Variants in ZSCAN2 observed in about 807,000 individuals in gnomAD.
ZSCAN2 encodes zinc finger and SCAN domain containing 2, also known as zinc finger and SCAN domain-containing protein 2.
A neutral mutation model predicts 47.8 loss-of-function variants in ZSCAN2; 26 were observed. That is an observed-to-expected ratio of 0.54 (90% CI 0.40 to 0.75). The LOEUF (loss-of-function observed/expected upper bound fraction) is 0.75, where lower values mean the gene tolerates loss of function less well. Ranked by LOEUF, ZSCAN2 falls within the 30% of genes least tolerant of loss-of-function variation. The probability of loss-of-function intolerance (pLI) is 0.00; values close to 1 mark genes in which losing one functional copy is unlikely to be tolerated. For synonymous variants in ZSCAN2, 305 were observed against 288.7 expected, an observed-to-expected ratio of 1.06 and a Z score of -0.57; for missense variants, 732 against 785.4, an observed-to-expected ratio of 0.93 and a Z score of 0.81.
chr15:84,604,277 G>A lies in ZSCAN2; in HGVS notation c.350G>A (p.Ser117Asn), dbSNP rs771001713. The A allele has an allele frequency of 6.2e-7, 1 of 1,614,116 alleles. No individual in the cohort carries two copies. Among genetic ancestry groups the A allele is most frequent in the Non-Finnish European group, 8.5e-7 (1 of 1,179,988 alleles). ...TGGCTGCAAGAGCATCGGCCTGAAA[G>A]CAGTGAGGAGGCAGCGGCCCTGGTG... ...QAWLQEHRPESSEEAAALVED... is the reference protein window; with the variant it reads ...QAWLQEHRPENSEEAAALVED... The change falls in exon 2 of 3, where the codon AGC becomes AAC. Residue 117 changes from serine to asparagine, a missense_variant. By Grantham distance (46) the Ser-to-Asn change is conservative. Transcript: ENST00000546148.
intron 2 of ZSCAN2, among the ~76,000 whole-genome samples, chr15:84,611,036 G>A (rs1895532255): frequency 1.3e-5 from 2 of 151,902 alleles, no homozygotes; most frequent in African/African-American, 4.8e-5. Flanking sequence ...GCTCACGCCT[G>A]TTATCCCAGC....
At chr15:84,614,651 A>T (rs1326138855) in intron 2 of ZSCAN2, 1 of 151,868 alleles carries the variant, frequency 6.6e-6, no homozygotes, top group African/African-American at 2.4e-5. Flanking sequence ...TTTTCCTGAG[A>T]TAGAGTCGCC....
chr15:84,612,616 TC>T (rs1318079101), intron 2 of ZSCAN2, among the ~76,000 whole-genome samples: 1 of 151,912 alleles, frequency 6.6e-6, no homozygotes, highest in Non-Finnish European at 1.5e-5. Flanking sequence ...GCGCCTGTAG[TC>T]CCAGCTACTC....
intron 2 of ZSCAN2, among the ~76,000 whole-genome samples, 170 bp from the exon 3 acceptor site, chr15:84,620,432 G>T (rs1470677225): frequency 6.6e-6 from 1 of 152,162 alleles, no homozygotes; most frequent in Admixed American, 6.5e-5. Flanking sequence ...ATAATAGAAT[G>T]ATTTATATTC....
In ZSCAN2 at chr15:84,622,396, C is replaced by T. The variant is rs978811125; in HGVS notation, c.*356C>T. On this transcript the variant is annotated 3_prime_UTR_variant, in exon 3 of 3. Transcript: ENST00000546148. ...GAATGGAAGACAGCATGGCCCACAA[C>T]GTGGGCCGAGTCCTCAGAGAAATAC... is the stretch of plus-strand genomic sequence containing the variant. 5.5e-5 allele frequency: 32 copies of T among 584,380 alleles called. No individual in the cohort carries two copies. Among genetic ancestry groups the T allele is most frequent in the African/African-American group, 2.1e-4 (11 of 52,666 alleles). The allele number at this position is 584,380 out of a possible 1,614,324, so 36.2% of individuals were successfully genotyped here.
intron 2 of ZSCAN2, among the ~76,000 whole-genome samples, chr15:84,619,917 G>C (rs1218113243): frequency 7.2e-6 from 1 of 139,388 alleles, no homozygotes; most frequent in Non-Finnish European, 1.5e-5. Flanking sequence ...AATGAAATAA[G>C]CCTGGGTTGG....
intron 2 of ZSCAN2, among the ~76,000 whole-genome samples, chr15:84,615,239 C>T (rs1239907636): frequency 6.6e-6 from 1 of 152,220 alleles, no homozygotes; most frequent in Non-Finnish European, 1.5e-5. Flanking sequence ...CAGGCGTGAG[C>T]CACCACGCCT....
intron 1 of ZSCAN2, among the ~76,000 whole-genome samples, chr15:84,601,384 A>G (rs763184482): frequency 6.6e-6 from 1 of 152,074 alleles, no homozygotes; most frequent in East Asian, 1.9e-4. Context: ...TTGGACGGGA[A>G]GGGGCATTCG....
chr15:84,618,356 T>C (rs542224160), intron 2 of ZSCAN2, among the ~76,000 whole-genome samples: 101 of 152,212 alleles, frequency 6.6e-4, no homozygotes, highest in African/African-American at 2.4e-3. Flanking sequence ...AGGCTGAGGT[T>C]GCAGTGAGCC....
chr15:84,620,633 C>T lies in ZSCAN2; in HGVS notation c.438C>T (p.Asn146=). ...AGATACAGAGTGAAAATGGGGAGAA[C>T]TGTAATCAAGACATGTTTGAGAATG... The part of the protein sequence containing the change: ...DFEIQSENGE[N]CNQDMFENES... Residue 146 remains asparagine, a synonymous_variant, in exon 3 of 3, where the codon AAC becomes AAT. Transcript: ENST00000546148. 1 of 1,610,058 alleles carries T rather than the reference C, an allele frequency of 6.2e-7. No homozygotes were observed.
intron 2 of ZSCAN2, chr15:84,606,807 G>A: frequency 1.5e-6 from 2 of 1,291,398 alleles, no homozygotes; most frequent in Non-Finnish European, 2.0e-6. Flanking sequence ...AGACACATGG[G>A]TTTGTCTGTC....
At chr15:84,612,948 T>C (rs988313121) in intron 2 of ZSCAN2, among the ~76,000 whole-genome samples, 48 of 152,272 alleles carry the variant, frequency 3.2e-4, no homozygotes, top group Admixed American at 5.2e-4. Flanking sequence ...CATCTAATAG[T>C]TTGATGCTGC....
At position 84,621,750 on chromosome 15, in the gene ZSCAN2, G is replaced by A; in HGVS notation, c.1555G>A (p.Val519Met). Reference protein sequence around the residue: ...KCFSQRSQLVVHQRTHTGEKP... With the variant: ...KCFSQRSQLVMHQRTHTGEKP... ...CTTCAGCCAGCGCTCCCAGCTCGTA[G>A]TGCACCAGCGGACCCACACGGGCGA... Residue 519 changes from valine to methionine, a missense_variant, in exon 3 of 3, where the codon GTG becomes ATG. Val to Met is a conservative substitution (Grantham distance 21, BLOSUM62 1). Coordinates refer to ENST00000546148, the MANE Select transcript of ZSCAN2 (RefSeq NM_181877.4). This position sits in a 1 kb window ranked among gnomAD's most constrained non-coding sequence, Gnocchi z 5.7. 1 of 1,614,084 alleles carries A rather than the reference G, an allele frequency of 6.2e-7. No individual in the cohort carries two copies. The highest frequency in any genetic ancestry group is 8.5e-7 in the Non-Finnish European group (1 of 1,180,008).
At chr15:84,608,654 C>T (rs765323335) in intron 2 of ZSCAN2, among the ~76,000 whole-genome samples, 30 of 152,232 alleles carry the variant, frequency 2.0e-4, no homozygotes, top group African/African-American at 5.5e-4. Flanking sequence ...CAAACTCAGC[C>T]GCACATTAGA....
Position 84,623,453 on chromosome 15 carries a change from G to C in ZSCAN2, c.*1413G>C. The C allele has an allele frequency of 5.9e-6, 1 of 170,776 alleles. No homozygotes were observed. Among genetic ancestry groups the C allele is most frequent in the African/African-American group, 2.4e-5 (1 of 41,464 alleles). 10.6% of individuals were successfully genotyped at this position (170,776 alleles called of 1,614,324 possible). Reference sequence around the variant, plus strand: ...ACATATCTGTTCCCTGGAGATATTTGGGCTTGAATCAGGAGTTTGTCCTAC... The same window carrying C: ...ACATATCTGTTCCCTGGAGATATTTCGGCTTGAATCAGGAGTTTGTCCTAC... On this transcript the variant is annotated 3_prime_UTR_variant, in exon 3 of 3. Transcript: ENST00000546148.
At chr15:84,611,328 C>T (rs886985837) in intron 2 of ZSCAN2, among the ~76,000 whole-genome samples, 5 of 151,926 alleles carry the variant, frequency 3.3e-5, no homozygotes, top group African/African-American at 1.2e-4. Context: ...TGGTGGCACA[C>T]ACCTATAGTC....
intron 2 of ZSCAN2, chr15:84,615,052 C>G (rs1260439673): frequency 2.0e-5 from 3 of 152,108 alleles, no homozygotes; most frequent in African/African-American, 7.2e-5. Flanking sequence ...CTCCCGGGTT[C>G]AAGCGATTCT....
intron 2 of ZSCAN2, among the ~76,000 whole-genome samples, 176 bp from the exon 3 acceptor site, chr15:84,620,426 T>C (rs1015094686): frequency 2.6e-5 from 4 of 152,232 alleles, no homozygotes; most frequent in Admixed American, 1.3e-4. Context: ...ATCTTTATAA[T>C]AGAATGATTT....
At chr15:84,617,626 C>T (rs1237814294) in intron 2 of ZSCAN2, among the ~76,000 whole-genome samples, 1 of 151,710 alleles carries the variant, frequency 6.6e-6, no homozygotes, top group Non-Finnish European at 1.5e-5. Context: ...TAATTATATG[C>T]CTGTTTTCAA....
Sources: gnomAD v4.1 joint callset for allele counts (sites outside exome capture counted in the v4.1 genomes callset) on GRCh38, gnomAD v4.1.1 for gene constraint, Gnocchi (gnomAD v3.1) non-coding constraint, MANE v1.5 for transcripts, NCBI Gene and HGNC (gene_info 2026-07-23, HGNC 2026-07-21) for gene names.